ERBB3: variants seen among roughly 807,000 people sequenced by gnomAD.
ERBB3 encodes the protein receptor tyrosine-protein kinase erbB-3.
A neutral mutation model predicts 156.7 loss-of-function variants in ERBB3; 96 were observed. The ratio of observed to expected loss-of-function variants is 0.61; its 90% CI spans 0.52 to 0.73. ERBB3 has a LOEUF of 0.73. ERBB3 is among the 30% of genes least tolerant of loss of function. ERBB3 has a pLI of 0.00. For missense variants in ERBB3, 1,406 were observed against 1,709.4 expected (o/e 0.82, Z 3.13); for synonymous variants, 567 against 632.0 (o/e 0.90, Z 1.54).
At position 56,086,529 on chromosome 12, in the gene ERBB3, A is replaced by G; in HGVS notation, c.422-2A>G. ...ACCCTGTCACTTCTTTCCCTACCTC[A>G]GAGATTCTGTCAGGGGGTGTTTATA... On this transcript the variant is annotated splice_acceptor_variant, in intron 3 of 27. Transcript: ENST00000267101. LOFTEE classifies it high-confidence loss of function. The G allele has an allele frequency of 6.2e-7, 1 of 1,614,038 alleles. No individual in the cohort carries two copies. The highest frequency in any genetic ancestry group is 8.5e-7 in the Non-Finnish European group (1 of 1,179,956).
chr12:56,095,336 A>T (rs759029932), intron 16 of ERBB3, 26 bp downstream of exon 16: 1 of 1,598,826 alleles, frequency 6.3e-7, no homozygotes, highest in South Asian at 1.1e-5. Context: ...AGATTCTGGA[A>T]ACTGGGGATA....
chr12:56,096,108 C>A (rs1211411998), intron 17 of ERBB3: 3 of 523,800 alleles, frequency 5.7e-6, no homozygotes, highest in Middle Eastern at 5.3e-4. Flanking sequence ...TGCATCTATA[C>A]AGAGGAAATA....
chr12:56,080,239 T>A lies in ERBB3; in HGVS notation c.-62T>A. Reference sequence around the variant, plus strand: ...GCGGTTCAGGTGGCTCTTGCCTCGATGTCCTAGCCTAGGGGCCCCCGGGCC... The same window carrying A: ...GCGGTTCAGGTGGCTCTTGCCTCGAAGTCCTAGCCTAGGGGCCCCCGGGCC... On this transcript the variant is annotated 5_prime_UTR_variant, in exon 1 of 28. The change abolishes an upstream ATG in the 5' untranslated region. Coordinates refer to ENST00000267101, the MANE Select transcript of ERBB3 (RefSeq NM_001982.4). 8 of 1,353,052 alleles carry A rather than the reference T, an allele frequency of 5.9e-6. No homozygotes were observed. The South Asian group carries it at 7.5e-5, about 13-fold the overall frequency. The allele number at this position is 1,353,052 out of a possible 1,614,324, so 83.8% of individuals were successfully genotyped here.
intron 9 of ERBB3, among the ~76,000 whole-genome samples, chr12:56,091,285 T>TA (rs1181955664): frequency 1.6e-5 from 1 of 61,222 alleles, no homozygotes; most frequent in Non-Finnish European, 3.6e-5. Context: ...TATATATATA[T>TA]ATATATATAT....
In ERBB3 at chr12:56,093,806, G is replaced by T. The variant is rs765496438; in HGVS notation, c.1523G>T (p.Gly508Val). 5.6e-6 allele frequency: 9 copies of T among 1,614,082 alleles called. No homozygotes were observed. The highest frequency in any genetic ancestry group is 5.0e-5 in the Admixed American group (3 of 60,018). ...TGTGACCCACTGTGCTCCTCTGGGG[G>T]ATGCTGGGGCCCAGGCCCTGGTCAG... ...KVCDPLCSSGGCWGPGPGQCL... is the reference protein window; with the variant it reads ...KVCDPLCSSGVCWGPGPGQCL... The change falls in exon 13 of 28, where the codon GGA becomes GTA. Residue 508 changes from glycine (G) to valine (V), a missense_variant. By Grantham distance (109) the Gly-to-Val change is moderately radical. Around this residue, in one of 3 missense-constraint regions of ERBB3, gnomAD observed 979 missense variants for 1,219.6 expected, o/e 0.80. Coordinates refer to ENST00000267101, the MANE Select transcript of ERBB3 (RefSeq NM_001982.4).
In ERBB3 at chr12:56,087,776, G is replaced by A. The variant is rs2136793611; in HGVS notation, c.614-19G>A. 1 of 1,608,812 alleles carries A rather than the reference G, an allele frequency of 6.2e-7. No individual in the cohort carries two copies. The highest frequency in any genetic ancestry group is 8.5e-7 in the Non-Finnish European group (1 of 1,175,166). On this transcript the variant is annotated intron_variant, in intron 5 of 27. Coordinates refer to ENST00000267101, the MANE Select transcript of ERBB3 (RefSeq NM_001982.4). ...CAGTCCTAGGAGCCCTAACAGCCATGCTTTCTCTCCTTCCATAGTGACCAA... is the reference window on the plus strand; with the variant it reads ...CAGTCCTAGGAGCCCTAACAGCCATACTTTCTCTCCTTCCATAGTGACCAA...
chr12:56,087,995 A>G (rs1245684314), intron 6 of ERBB3, 26 bp from the exon 7 acceptor site: 4 of 1,614,152 alleles, frequency 2.5e-6, no homozygotes, highest in Non-Finnish European at 3.4e-6. Context: ...CGTAACATAA[A>G]TCTGATGAGC....
Position 56,093,497 on chromosome 12 carries a change from G to A in ERBB3, c.1427G>A (p.Gly476Glu), listed in dbSNP as rs755162824. 6.2e-7 allele frequency: 1 copy of A among 1,613,734 alleles called. No individual in the cohort carries two copies. The highest frequency in any genetic ancestry group is 1.3e-5 in the African/African-American group (1 of 74,842). ...TTGAACTGGACCAAGGTGCTTCGGG[G>A]GCCTACGGAAGAGCGACTAGACATC... ...HSLNWTKVLRGPTEERLDIKH... is the reference protein window; with the variant it reads ...HSLNWTKVLREPTEERLDIKH... Residue 476 changes from glycine (G) to glutamate (E), a missense_variant, in exon 12 of 28, where the codon GGG becomes GAG. By Grantham distance (98) the Gly-to-Glu change is moderately conservative. Around this residue, in one of 3 missense-constraint regions of ERBB3, gnomAD observed 979 missense variants for 1,219.6 expected, o/e 0.80. Transcript: ENST00000267101.
At position 56,095,319 on chromosome 12, in the gene ERBB3, G is replaced by A; in HGVS notation, c.1913+9G>A. ...ACACTGGTGCTGATCGGGTATGATG[G>A]GGTTGGAGATTCTGGAAACTGGGGA... On this transcript the variant is annotated intron_variant, in intron 16 of 27. Transcript: ENST00000267101. 1 of 1,611,846 alleles carries A rather than the reference G, an allele frequency of 6.2e-7. No individual in the cohort carries two copies.
Position 56,093,764 on chromosome 12 carries a change from T to C in ERBB3, c.1481T>C (p.Val494Ala). ...TCCTAACCCACCCCTTCCTTTCCAG[T>C]GGCAGAGGGCAAAGTGTGTGACCCA... ...IKHNRPRRDC[V>A]AEGKVCDPLC... Residue 494 changes from valine to alanine, a missense_variant and splice_region_variant, in exon 13 of 28, where the codon GTG (valine) becomes GCG (alanine). Physicochemically the swap from Val to Ala is moderately conservative, Grantham distance 64. Around this residue, in one of 3 missense-constraint regions of ERBB3, gnomAD observed 979 missense variants for 1,219.6 expected, o/e 0.80. Coordinates refer to ENST00000267101, the MANE Select transcript of ERBB3 (RefSeq NM_001982.4). 6.2e-7 allele frequency: 1 copy of C among 1,613,934 alleles called. No individual in the cohort carries two copies. Among genetic ancestry groups the C allele is most frequent in the Non-Finnish European group, 8.5e-7 (1 of 1,179,968 alleles).
Position 56,098,822 on chromosome 12 carries a change from A to C in ERBB3, c.2756A>C (p.Glu919Ala). The change falls in exon 23 of 28, where the codon GAA becomes GCA. Residue 919 changes from glutamate to alanine, a missense_variant. Glu to Ala is a moderately radical substitution (Grantham distance 107, BLOSUM62 -1). Coordinates refer to ENST00000267101, the MANE Select transcript of ERBB3 (RefSeq NM_001982.4). ...AEPYAGLRLA[E>A]VPDLLEKGER... The stretch of plus-strand genomic sequence containing the variant: ...CCCTATGCAGGGCTACGATTGGCTG[A>C]AGTACCAGACCTGCTAGAGAAGGGG... The C allele has an allele frequency of 6.2e-7, 1 of 1,614,102 alleles. No homozygotes were observed. The highest frequency in any genetic ancestry group is 8.5e-7 in the Non-Finnish European group (1 of 1,179,960).
chr12:56,090,479 A>G (rs1868642908), intron 9 of ERBB3, among the ~76,000 whole-genome samples: 1 of 152,012 alleles, frequency 6.6e-6, no homozygotes. Flanking sequence ...CCTCATCTCT[A>G]CTAAAAATAC....
rs1416955218 is a variant in ERBB3 at position 56,098,990 on chromosome 12, T to G, written c.2839+85T>G. ...TTTTTTTGAGACAGAGTCTCACAAT[T>G]GTCACCCAGGCTGGAGTGCAATGGT... On this transcript the variant is annotated intron_variant, in intron 23 of 27. Coordinates refer to ENST00000267101, the MANE Select transcript of ERBB3 (RefSeq NM_001982.4). The G allele has an allele frequency of 2.3e-6, 3 of 1,332,374 alleles. No homozygotes were observed. The Admixed American group carries it at 6.4e-5, about 28-fold the overall frequency. 82.5% of individuals were successfully genotyped at this position (1,332,374 alleles called of 1,614,324 possible).
Position 56,101,663 on chromosome 12 carries a change from A to C in ERBB3, c.3637A>C (p.Arg1213=). Residue 1213 remains arginine (R), a synonymous_variant, in exon 28 of 28, where the codon AGG becomes CGG. Transcript: ENST00000267101. ...RRRHSPPHPP[R]PSSLEELGYE... is the part of the protein sequence containing the mutation. ...AAGGCACAGTCCACCTCATCCCCCT[A>C]GGCCAAGTTCCCTTGAGGAGCTGGG... The C allele has an allele frequency of 6.2e-7, 1 of 1,613,948 alleles. No individual in the cohort carries two copies. The highest frequency in any genetic ancestry group is 8.5e-7 in the Non-Finnish European group (1 of 1,180,000).
intron 4 of ERBB3, 63 bp downstream of exon 4, chr12:56,086,719 C>CATTCAG: frequency 1.2e-6 from 2 of 1,604,134 alleles, no homozygotes; most frequent in Non-Finnish European, 8.5e-7. Flanking sequence ...CCCTTCTTTC[C>CATTCAG]ATCATCCTTA....
At chr12:56,099,021 C>T (rs1258379656) in intron 23 of ERBB3, 116 bp downstream of exon 23, 1 of 976,562 alleles carries the variant, frequency 1.0e-6, no homozygotes, top group East Asian at 2.6e-5. Flanking sequence ...ATGGTGCAAT[C>T]AATCTTGGCT....
At chr12:56,092,418 AAAG>A (rs1238682427) in intron 9 of ERBB3, among the ~76,000 whole-genome samples, 10 of 145,298 alleles carry the variant, frequency 6.9e-5, no homozygotes, top group Non-Finnish European at 1.0e-4. Context: ...AAAAAAAAAA[AAAG>A]GTCTTCCTTT....
At chr12:56,093,671 G>C in intron 12 of ERBB3, 93 bp from the exon 13 acceptor site, 3 of 1,582,904 alleles carry the variant, frequency 1.9e-6, no homozygotes, top group Non-Finnish European at 2.6e-6. Context: ...GAAGGGGGCT[G>C]TTAGGCTGGA....
chr12:56,092,256 G>T (rs984539040), intron 9 of ERBB3, among the ~76,000 whole-genome samples: 2 of 151,666 alleles, frequency 1.3e-5, no homozygotes, highest in Non-Finnish European at 2.9e-5. Flanking sequence ...AGGCATGGTG[G>T]TGTGCTCCTG....
Sources: gnomAD v4.1 joint callset for allele counts (sites outside exome capture counted in the v4.1 genomes callset) on GRCh38, gnomAD v4.1.1 for gene constraint, gnomAD v4.1.1 regional missense constraint, MANE v1.5 for transcripts, NCBI Gene and HGNC (gene_info 2026-07-23, HGNC 2026-07-21) for gene names.